Variants in TSTD2 observed in about 807,000 individuals in gnomAD.
The protein encoded by TSTD2 is thiosulfate sulfurtransferase like domain containing 2, also known as thiosulfate sulfurtransferase/rhodanese-like domain-containing protein 2.
In TSTD2, 37 loss-of-function variants were observed where a neutral mutation model predicts 47.9. That is an observed-to-expected ratio of 0.77 (90% CI 0.59 to 1.02). TSTD2 has a LOEUF of 1.02. TSTD2 is among the 50% of genes least tolerant of loss of function. The pLI is 0.00. For synonymous variants in TSTD2, 201 were observed against 215.9 expected, an observed-to-expected ratio of 0.93 and a Z score of 0.61; for missense variants, 586 against 616.0, an observed-to-expected ratio of 0.95 and a Z score of 0.52.
chr9:97,608,889 A>G (rs1826412002), intron 6 of TSTD2, among the ~76,000 whole-genome samples: 1 of 152,166 alleles, frequency 6.6e-6, no homozygotes, highest in Non-Finnish European at 1.5e-5. Flanking sequence ...GACTTCTTTC[A>G]AAACTTTACA....
chr9:97,611,429 A>T, intron 5 of TSTD2, 145 bp downstream of exon 5: 1 of 990,884 alleles, frequency 1.0e-6, no homozygotes, highest in Non-Finnish European at 1.4e-6. Flanking sequence ...AACAAAACAA[A>T]AAAACTCCCC....
At chr9:97,627,236 C>A in intron 2 of TSTD2, 162 bp downstream of exon 2, 1 of 1,319,104 alleles carries the variant, frequency 7.6e-7, no homozygotes, top group Non-Finnish European at 9.7e-7. Flanking sequence ...AGGACCACAC[C>A]TTGCCTATGA....
intron 1 of TSTD2, among the ~76,000 whole-genome samples, chr9:97,631,431 T>C (rs1356247017): frequency 6.6e-6 from 1 of 152,126 alleles, no homozygotes; most frequent in African/African-American, 2.4e-5. Flanking sequence ...AGCTTTGCTT[T>C]TGAAGTACAA....
In TSTD2 at chr9:97,600,682, T is replaced by C; in HGVS notation, c.*1787A>G. On this transcript the variant is annotated 3_prime_UTR_variant, in exon 10 of 10. Coordinates refer to ENST00000341170, the MANE Select transcript of TSTD2 (RefSeq NM_139246.5). ...GACAAATTGCTGCTGACCTTACGCCTGTATATTAAGCCTCCGCAGGATGCC... is the reference window on the plus strand; with the variant it reads ...GACAAATTGCTGCTGACCTTACGCCCGTATATTAAGCCTCCGCAGGATGCC... 1 of 998,176 alleles carries C rather than the reference T, an allele frequency of 1.0e-6. No individual in the cohort carries two copies. The highest frequency in any genetic ancestry group is 1.2e-6 in the Non-Finnish European group (1 of 837,764). The allele number at this position is 998,176 out of a possible 1,614,324, so 61.8% of individuals were successfully genotyped here.
At chr9:97,603,570 T>C (rs1263450742) in intron 9 of TSTD2, among the ~76,000 whole-genome samples, 1 of 152,074 alleles carries the variant, frequency 6.6e-6, no homozygotes, top group Non-Finnish European at 1.5e-5. Context: ...ACCAAGAAAG[T>C]AGGAGAGGAC....
intron 9 of TSTD2, chr9:97,603,034 G>C (rs1826295448): frequency 2.8e-6 from 1 of 352,924 alleles, no homozygotes; most frequent in Non-Finnish European, 5.3e-6. Flanking sequence ...AGAACAGGTG[G>C]TAACTAGATG....
At position 97,602,346 on chromosome 9, in the gene TSTD2, G is replaced by A. The variant is rs371324824; in HGVS notation, c.*123C>T. The A allele has an allele frequency of 2.8e-4, 331 of 1,180,940 alleles. 3 individuals are homozygous for A. In the South Asian group the frequency reaches 5.0e-3, roughly 18 times the overall value. The allele number at this position is 1,180,940 out of a possible 1,614,324, so 73.2% of individuals were successfully genotyped here. ...GCTGTGAAGTGTAGACGGCTGCCAC[G>A]GTGGCAGCGGCCAGAACTGAAGTTC... On this transcript the variant is annotated 3_prime_UTR_variant, in exon 10 of 10. Transcript: ENST00000341170.
chr9:97,605,921 A>T (rs1258863110), intron 7 of TSTD2, among the ~76,000 whole-genome samples: 6 of 152,178 alleles, frequency 3.9e-5, no homozygotes, highest in Non-Finnish European at 7.3e-5. Context: ...TGGGAGTCAC[A>T]AAGTATATTA....
intron 6 of TSTD2, among the ~76,000 whole-genome samples, chr9:97,606,555 C>T (rs1269326322): frequency 2.6e-5 from 4 of 152,164 alleles, no homozygotes; most frequent in Admixed American, 1.3e-4. Flanking sequence ...TTGGCCTAAC[C>T]CTAGTGATAA....
chr9:97,611,742 C>G, intron 4 of TSTD2, 43 bp from the exon 5 acceptor site: 1 of 1,573,388 alleles, frequency 6.4e-7, no homozygotes, highest in Non-Finnish European at 8.7e-7. Context: ...TTGTTCTTAG[C>G]TTGGTTATCT....
intron 5 of TSTD2, chr9:97,610,700 C>T (rs891452378): frequency 3.6e-6 from 1 of 281,060 alleles, no homozygotes; most frequent in Non-Finnish European, 6.6e-6. Flanking sequence ...TATAAAACTG[C>T]AACACCGCTG....
At position 97,602,561 on chromosome 9, in the gene TSTD2, G is replaced by C; in HGVS notation, c.1459C>G (p.Arg487Gly). 1.2e-6 allele frequency: 2 copies of C among 1,614,180 alleles called. No individual in the cohort carries two copies. The highest frequency in any genetic ancestry group is 1.1e-5 in the South Asian group (1 of 91,076). Residue 487 changes from arginine (R) to glycine (G), a missense_variant, in exon 10 of 10, where the codon CGC becomes GGC. Physicochemically the swap from Arg to Gly is moderately radical, Grantham distance 125. Transcript: ENST00000341170. The part of the protein sequence containing the change: ...EECECTARRP[R>G]IPRELLQHVR... ...TGCTGCAAGAGTTCCCTAGGTATGC[G>C]TGGCCGTCGGGCTGTGCACTCGCAT...
At chr9:97,609,549 A>G (rs1247978894) in intron 6 of TSTD2, among the ~76,000 whole-genome samples, 1 of 152,264 alleles carries the variant, frequency 6.6e-6, no homozygotes. Flanking sequence ...ATGAAGCTTA[A>G]AAAGTATGAG....
At position 97,601,626 on chromosome 9, in the gene TSTD2, T is replaced by C; in HGVS notation, c.*843A>G. 1 of 985,066 alleles carries C rather than the reference T, an allele frequency of 1.0e-6. No individual in the cohort carries two copies. Among genetic ancestry groups the C allele is most frequent in the Non-Finnish European group, 1.2e-6 (1 of 829,104 alleles). 61.0% of individuals were successfully genotyped at this position (985,066 alleles called of 1,614,324 possible). A position where few individuals can be genotyped will look rare whatever the true frequency, so the allele number is the denominator to read the frequency against. On this transcript the variant is annotated 3_prime_UTR_variant, in exon 10 of 10. Transcript: ENST00000341170. ...AACTTTTCTGTAAAAGGCCAGACAG[T>C]AAAAATTTCCGATTTTGCAGGCCAC...
chr9:97,632,931 T>C (rs1826860829), intron 1 of TSTD2, among the ~76,000 whole-genome samples: 1 of 152,194 alleles, frequency 6.6e-6, no homozygotes, highest in African/African-American at 2.4e-5. Flanking sequence ...TAAGCCAGTA[T>C]GGTGCTCATA....
intron 6 of TSTD2, 91 bp downstream of exon 6, chr9:97,610,255 A>T: frequency 8.8e-7 from 1 of 1,133,380 alleles, no homozygotes; most frequent in South Asian, 1.5e-5. Context: ...AGGACTCATG[A>T]CTGCTGCTGA....
chr9:97,600,470 C>T lies in TSTD2; in HGVS notation c.*1999G>A. ...GTTAGAACTTTTTCCTTATTGAATGCCAACCTTATGATGGATGTGAAAATC... is the reference window on the plus strand; with the variant it reads ...GTTAGAACTTTTTCCTTATTGAATGTCAACCTTATGATGGATGTGAAAATC... On this transcript the variant is annotated 3_prime_UTR_variant, in exon 10 of 10. Transcript: ENST00000341170. 1 of 985,564 alleles carries T rather than the reference C, an allele frequency of 1.0e-6. No homozygotes were observed. Among genetic ancestry groups the T allele is most frequent in the African/African-American group, 1.7e-5 (1 of 57,356 alleles). 61.1% of individuals were successfully genotyped at this position (985,564 alleles called of 1,614,324 possible).
chr9:97,610,195 A>G (rs1236088719), intron 6 of TSTD2, 151 bp downstream of exon 6: 35 of 569,280 alleles, frequency 6.1e-5, no homozygotes, highest in Non-Finnish European at 8.7e-5. Flanking sequence ...GAGAAACAGT[A>G]TAAGCACTGG....
chr9:97,621,845 G>A (rs535590440), intron 3 of TSTD2, among the ~76,000 whole-genome samples: 2 of 152,042 alleles, frequency 1.3e-5, no homozygotes, highest in Admixed American at 6.6e-5. Flanking sequence ...CTGCCCTTCT[G>A]CCCTTGTTAT....
Sources: gnomAD v4.1 joint callset for allele counts (sites outside exome capture counted in the v4.1 genomes callset) on GRCh38, gnomAD v4.1.1 for gene constraint, MANE v1.5 for transcripts, NCBI Gene and HGNC (gene_info 2026-07-23, HGNC 2026-07-21) for gene names.